The following FAT3 variants were observed in gnomAD, a reference collection of about 807,000 sequenced individuals.
The protein encoded by FAT3 is protocadherin Fat 3.
A neutral mutation model predicts 310.2 loss-of-function variants in FAT3; 95 were observed. The observed-to-expected ratio is 0.31, with a 90% CI of 0.26 to 0.36. The LOEUF is 0.36. Among genes scored for constraint, FAT3 ranks in the 10% least tolerant of loss-of-function variants. FAT3 has a pLI of 1.00. For synonymous variants in FAT3, 2,314 were observed against 2,192.9 expected (o/e 1.06, Z -1.54); for missense variants, 5,408 against 5,715.6 (o/e 0.95, Z 1.74).
intron 3 of FAT3, among the ~76,000 whole-genome samples, chr11:92,622,493 A>G (rs1027257373): frequency 9.9e-5 from 15 of 152,194 alleles, no homozygotes; most frequent in Non-Finnish European, 1.6e-4. Context: ...GGGTGAGATC[A>G]TTGTTGAGTA....
At chr11:92,686,224 T>G (rs1943631569) in intron 3 of FAT3, among the ~76,000 whole-genome samples, 1 of 152,170 alleles carries the variant, frequency 6.6e-6, no homozygotes, top group African/African-American at 2.4e-5. Context: ...AAATGTGGAT[T>G]TCTAGAATAT....
chr11:92,797,365 T>TA (rs1398644477), intron 9 of FAT3, among the ~76,000 whole-genome samples: 36 of 152,210 alleles, frequency 2.4e-4, no homozygotes, highest in Admixed American at 2.3e-3. Context: ...GACTACTTTA[T>TA]AATGCTCTGA....
intron 3 of FAT3, among the ~76,000 whole-genome samples, chr11:92,685,266 G>A (rs1268488273): frequency 6.6e-6 from 1 of 152,146 alleles, no homozygotes; most frequent in East Asian, 1.9e-4. Context: ...AAACTCATTA[G>A]CACTGGCAAT....
At chr11:92,810,780 A>C (rs752892313) in intron 13 of FAT3, among the ~76,000 whole-genome samples, 1 of 152,130 alleles carries the variant, frequency 6.6e-6, no homozygotes, top group Non-Finnish European at 1.5e-5. Flanking sequence ...CTGAGAATGC[A>C]TAAGTTATTG....
intron 1 of FAT3, among the ~76,000 whole-genome samples, chr11:92,257,640 A>G (rs1018392725): frequency 6.6e-6 from 1 of 152,132 alleles, no homozygotes; most frequent in African/African-American, 2.4e-5. Context: ...AGTGGAGTAA[A>G]GACAGGCAAG....
chr11:92,566,835 T>G (rs1483903891), intron 3 of FAT3, among the ~76,000 whole-genome samples: 1 of 152,226 alleles, frequency 6.6e-6, no homozygotes, highest in Non-Finnish European at 1.5e-5. Flanking sequence ...GCTGGCCATA[T>G]GTAGAAAGCT....
intron 2 of FAT3, among the ~76,000 whole-genome samples, chr11:92,489,811 C>T (rs1402145135): frequency 6.6e-6 from 1 of 151,818 alleles, no homozygotes; most frequent in Non-Finnish European, 1.5e-5. Context: ...CAGCTCTCTG[C>T]AGAAGGCTGA....
At chr11:92,286,174 A>G (rs2845877) in intron 1 of FAT3, among the ~76,000 whole-genome samples, 106,473 of 152,042 alleles carry the variant, frequency 0.7, 37,490 homozygotes, top group African/African-American at 0.77. Flanking sequence ...ACACATTGCC[A>G]GTGATGCTTT....
intron 6 of FAT3, among the ~76,000 whole-genome samples, chr11:92,769,980 A>G (rs1946419156): frequency 6.6e-6 from 1 of 152,136 alleles, no homozygotes; most frequent in East Asian, 1.9e-4. Flanking sequence ...GAGCTTGGAC[A>G]CCTCTGGGTC....
intron 1 of FAT3, among the ~76,000 whole-genome samples, chr11:92,226,848 G>C (rs1863930972): frequency 6.6e-6 from 1 of 152,182 alleles, no homozygotes; most frequent in Admixed American, 6.5e-5. Flanking sequence ...CGGCGGGAGG[G>C]AGGGACGCTG....
At chr11:92,815,495 C>T (rs948909720) in intron 13 of FAT3, among the ~76,000 whole-genome samples, 1 of 152,022 alleles carries the variant, frequency 6.6e-6, no homozygotes, top group South Asian at 2.1e-4. Context: ...ATGGCATGAA[C>T]CCAGAAGGCA....
In FAT3 at chr11:92,529,887, C is replaced by T. The variant is rs115860631; in HGVS notation, c.3607+4939C>T. Among the ~76,000 whole-genome samples, 1,185 of 152,256 alleles carry T rather than the reference C, an allele frequency of 7.8e-3. 15 individuals carry two copies. The highest frequency in any genetic ancestry group is 0.025 in the African/African-American group (1,025 of 41,542). ...TCAGCTTTCTTTTGCTTTCTGTGAG[C>T]ATCTTGAAATAAACCTGAGTAAAAC... On this transcript the variant is annotated intron_variant, in intron 3 of 27. Coordinates refer to ENST00000525166, the MANE Select transcript of FAT3 (RefSeq NM_001367949.2).
chr11:92,396,405 G>A (rs1288813011), intron 2 of FAT3, among the ~76,000 whole-genome samples: 1 of 152,110 alleles, frequency 6.6e-6, no homozygotes, highest in African/African-American at 2.4e-5. Flanking sequence ...AGCCAGAGGG[G>A]CAGAATTTAC....
At chr11:92,493,119 A>G (rs1240795563) in intron 2 of FAT3, among the ~76,000 whole-genome samples, 2 of 152,064 alleles carry the variant, frequency 1.3e-5, no homozygotes, top group Non-Finnish European at 2.9e-5. Context: ...TTTCTCATAG[A>G]TGGGTTTGAC....
At chr11:92,723,291 C>T (rs1038019991) in intron 4 of FAT3, among the ~76,000 whole-genome samples, 1 of 152,148 alleles carries the variant, frequency 6.6e-6, no homozygotes, top group Non-Finnish European at 1.5e-5. Flanking sequence ...CAAAATTCCA[C>T]CAGACTCTTT....
At chr11:92,550,770 CT>C (rs11472875) in intron 3 of FAT3, among the ~76,000 whole-genome samples, 2,327 of 142,068 alleles carry the variant, frequency 0.016, 65 homozygotes, top group African/African-American at 0.053. Flanking sequence ...CCACATTTAT[CT>C]TTTTTTTTTT....
intron 4 of FAT3, among the ~76,000 whole-genome samples, chr11:92,760,434 T>A (rs575628828): frequency 3.9e-4 from 60 of 152,352 alleles, no homozygotes; most frequent in African/African-American, 1.4e-3. Flanking sequence ...GTTTTTCTCC[T>A]ATTGATGTTG....
chr11:92,644,820 A>T (rs1441774067), intron 3 of FAT3, among the ~76,000 whole-genome samples: 1 of 152,196 alleles, frequency 6.6e-6, no homozygotes. Context: ...TCTCACAGAG[A>T]ATCCTTTCTC....
intron 1 of FAT3, among the ~76,000 whole-genome samples, chr11:92,262,915 C>T (rs1865616979): frequency 6.6e-6 from 1 of 151,926 alleles, no homozygotes; most frequent in African/African-American, 2.4e-5. Flanking sequence ...CAATTACTGT[C>T]GTCAAGGTGG....
Sources: gnomAD v4.1 joint callset for allele counts (sites outside exome capture counted in the v4.1 genomes callset) on GRCh38, gnomAD v4.1.1 for gene constraint, MANE v1.5 for transcripts, NCBI Gene and HGNC (gene_info 2026-07-23, HGNC 2026-07-21) for gene names.